RNF150: variants seen among roughly 807,000 people sequenced by gnomAD.
RNF150 encodes the protein ring finger protein 150.
RNF150 carries 24 observed loss-of-function variants against 39.3 expected under a neutral mutation model. The ratio of observed to expected loss-of-function variants is 0.61; its 90% CI spans 0.44 to 0.86. RNF150 has a LOEUF of 0.86. Among genes scored for constraint, RNF150 ranks in the 40% least tolerant of loss-of-function variants. The pLI is 0.00. For synonymous variants in RNF150, 255 were observed against 227.3 expected, an observed-to-expected ratio of 1.12 and a Z score of -1.10; for missense variants, 502 against 587.8, an observed-to-expected ratio of 0.85 and a Z score of 1.51.
chr4:140,957,523 C>T (rs1404307913), intron 2 of RNF150, among the ~76,000 whole-genome samples: 1 of 152,180 alleles, frequency 6.6e-6, no homozygotes, highest in East Asian at 1.9e-4. Flanking sequence ...ACTAGAAATA[C>T]CATTCACCCA....
intron 1 of RNF150, among the ~76,000 whole-genome samples, chr4:141,100,680 A>C (rs1262487288): frequency 6.6e-6 from 1 of 152,222 alleles, no homozygotes; most frequent in Non-Finnish European, 1.5e-5. Flanking sequence ...GTGTTGCATA[A>C]CAACAGAGAC....
chr4:141,169,353 T>A (rs1727661960), intron 1 of RNF150, among the ~76,000 whole-genome samples: 1 of 152,186 alleles, frequency 6.6e-6, no homozygotes. Context: ...AGCATCATAT[T>A]TCCTGAACAG....
intron 1 of RNF150, among the ~76,000 whole-genome samples, chr4:141,078,936 C>CATATATAT (rs1208691048): frequency 0.039 from 5,854 of 148,600 alleles, 399 homozygotes; most frequent in African/African-American, 0.14. Context: ...CATATATATA[C>CATATATAT]ACACACATAT....
intron 1 of RNF150, among the ~76,000 whole-genome samples, chr4:141,155,373 C>A (rs1033098537): frequency 8.6e-5 from 13 of 151,246 alleles, no homozygotes; most frequent in African/African-American, 2.9e-4. Context: ...GCTGGGATTA[C>A]AGGCGTGAGC....
chr4:141,171,457 AGAAAGAG>A (rs1445212814), intron 1 of RNF150, among the ~76,000 whole-genome samples: 14 of 60,810 alleles, frequency 2.3e-4, no homozygotes, highest in Non-Finnish European at 3.0e-4. Flanking sequence ...AGAGACAGAC[AGAAAGAG>A]AGAGAGAGAG....
At chr4:140,996,563 G>A (rs114845036) in intron 1 of RNF150, among the ~76,000 whole-genome samples, 43 of 152,318 alleles carry the variant, frequency 2.8e-4, no homozygotes, top group Non-Finnish European at 5.6e-4. Flanking sequence ...AATCATAACT[G>A]CTCTGGCTAC....
intron 1 of RNF150, among the ~76,000 whole-genome samples, chr4:141,165,859 A>G (rs529283552): frequency 6.6e-6 from 1 of 152,194 alleles, no homozygotes; most frequent in Non-Finnish European, 1.5e-5. Flanking sequence ...AAGATCTAAA[A>G]TTGACACCCT....
intron 1 of RNF150, among the ~76,000 whole-genome samples, chr4:141,004,486 A>G (rs1345121029): frequency 6.6e-6 from 1 of 152,206 alleles, no homozygotes; most frequent in African/African-American, 2.4e-5. Context: ...CGAACTCTAA[A>G]GTCTATAATT....
At chr4:141,031,187 G>T (rs190284675) in intron 1 of RNF150, among the ~76,000 whole-genome samples, 1 of 151,854 alleles carries the variant, frequency 6.6e-6, no homozygotes, top group East Asian at 1.9e-4. Flanking sequence ...AAATGATGCT[G>T]GGAAAACTGA....
Position 140,865,927 on chromosome 4 carries a change from A to C in RNF150, c.*2334T>G, listed in dbSNP as rs1728690595. 1 of 152,250 alleles carries C rather than the reference A, an allele frequency of 6.6e-6. No individual in the cohort carries two copies. Among genetic ancestry groups the C allele is most frequent in the Admixed American group, 6.5e-5 (1 of 15,290 alleles). The allele number at this position is 152,250 out of a possible 1,614,324, so 9.4% of individuals were successfully genotyped here. ...CTGGACTAAACTTAATACCAGTAAT[A>C]CTAAAATTTGTTTTGGGCAAAGCCG... On this transcript the variant is annotated 3_prime_UTR_variant, in exon 7 of 7. Transcript: ENST00000515673.
At chr4:141,187,006 C>G (rs1728024692) in intron 1 of RNF150, among the ~76,000 whole-genome samples, 1 of 152,100 alleles carries the variant, frequency 6.6e-6, no homozygotes, top group Non-Finnish European at 1.5e-5. Context: ...AATAGATTTC[C>G]CTGGAAACAC....
intron 1 of RNF150, among the ~76,000 whole-genome samples, chr4:141,077,406 C>G (rs1737936883): frequency 6.6e-6 from 1 of 152,150 alleles, no homozygotes; most frequent in Non-Finnish European, 1.5e-5. Flanking sequence ...TATGTGACTG[C>G]AAACGGGCAG....
In RNF150 at chr4:140,911,264, T is replaced by C; in HGVS notation, c.1078A>G (p.Thr360Ala). The change falls in exon 6 of 7, where the codon ACA becomes GCA. Residue 360 changes from threonine (T) to alanine (A), a missense_variant. Coordinates refer to ENST00000515673, the MANE Select transcript of RNF150 (RefSeq NM_020724.2). ...GTGACTGAACTTTCATTCACTGTTGTGTCGCTGGCACCTGTGATCTGGTTG... is the reference window on the plus strand; with the variant it reads ...GTGACTGAACTTTCATTCACTGTTGCGTCGCTGGCACCTGTGATCTGGTTG... Reference protein sequence around the residue: ...PTNQITGASDTTVNESSVTLD... With the variant: ...PTNQITGASDATVNESSVTLD... The C allele has an allele frequency of 6.2e-7, 1 of 1,614,154 alleles. No individual in the cohort carries two copies.
chr4:141,203,814 T>C lies in RNF150; in HGVS notation c.-6+8980A>G, dbSNP rs1250711718. Among the ~76,000 whole-genome samples, 6 of 151,814 alleles carry C rather than the reference T, an allele frequency of 4.0e-5. No homozygotes were observed. In the South Asian group the frequency reaches 6.3e-4, roughly 16 times the overall value. On this transcript the variant is annotated intron_variant, in intron 1 of 7. Transcript: ENST00000420921. The stretch of plus-strand genomic sequence containing the variant: ...CAACAGCATCTAGTCAGCTCATGTC[T>C]TCTTGGCTTTTGGTAAGGAGAGTAA...
intron 1 of RNF150, among the ~76,000 whole-genome samples, chr4:141,183,307 T>A (rs577393969): frequency 2.0e-5 from 3 of 152,050 alleles, no homozygotes; most frequent in Non-Finnish European, 2.9e-5. Context: ...TAGGCAGAAT[T>A]CTAAGATTGT....
At chr4:141,127,339 G>A (rs1726779557) in intron 1 of RNF150, among the ~76,000 whole-genome samples, 1 of 152,056 alleles carries the variant, frequency 6.6e-6, no homozygotes, top group Non-Finnish European at 1.5e-5. Context: ...TTATTACCCA[G>A]CATGCTAAAA....
chr4:141,133,664 C>G (rs1191354751), upstream of RNF150, among the ~76,000 whole-genome samples: 1 of 152,066 alleles, frequency 6.6e-6, no homozygotes, highest in Admixed American at 6.5e-5. Flanking sequence ...AGCGACCCCT[C>G]GACCTTTGAG....
chr4:141,063,543 C>T (rs1303677042), intron 1 of RNF150, among the ~76,000 whole-genome samples: 1 of 152,104 alleles, frequency 6.6e-6, no homozygotes, highest in Non-Finnish European at 1.5e-5. Context: ...AAAAAAGATT[C>T]TTGATAAAAA....
chr4:140,947,171 T>A (rs28555181), intron 4 of RNF150, among the ~76,000 whole-genome samples: 5 of 144,960 alleles, frequency 3.4e-5, no homozygotes, highest in South Asian at 4.4e-4. Flanking sequence ...TCTGTTAGTT[T>A]AAAAAAAAAA....
Sources: gnomAD v4.1 joint callset for allele counts (sites outside exome capture counted in the v4.1 genomes callset) on GRCh38, gnomAD v4.1.1 for gene constraint, MANE v1.5 for transcripts, NCBI Gene and HGNC (gene_info 2026-07-23, HGNC 2026-07-21) for gene names.